FRMPD4: variants seen among roughly 807,000 people sequenced by gnomAD.
FRMPD4 encodes FERM and PDZ domain-containing protein 4.
A neutral mutation model predicts 94.1 loss-of-function variants in FRMPD4; 22 were observed. That is an observed-to-expected ratio of 0.23 (90% confidence interval 0.17 to 0.33). FRMPD4 has a LOEUF of 0.33. FRMPD4 is among the 10% of genes least tolerant of loss of function. The pLI, the probability that FRMPD4 is intolerant of heterozygous loss-of-function variation, is 1.00. For synonymous variants in FRMPD4, 631 were observed against 548.6 expected (o/e 1.15, Z -2.10); for missense variants, 1,111 against 1,339.9 (o/e 0.83, Z 2.67).
intron 1 of FRMPD4, among the ~76,000 whole-genome samples, chrX:12,284,807 G>T (rs1054660422): frequency 8.9e-6 from 1 of 111,946 alleles, no homozygotes; most frequent in African/African-American, 3.3e-5. Flanking sequence ...ACTCAGGGAA[G>T]GACCTCACTA....
At chrX:12,508,290 T>G (rs967689855) in intron 2 of FRMPD4, among the ~76,000 whole-genome samples, 2 of 110,065 alleles carry the variant, frequency 1.8e-5, no homozygotes, top group Non-Finnish European at 3.8e-5. Context: ...TTTTTTTTTT[T>G]TAAGCTCAAC....
At chrX:12,181,756 C>A (rs1446471265) in intron 1 of FRMPD4, among the ~76,000 whole-genome samples, 1 of 111,356 alleles carries the variant, frequency 9.0e-6, no homozygotes, top group African/African-American at 3.3e-5. Context: ...AGTGTGGGTC[C>A]TTCCAAGTGC....
intron 1 of FRMPD4, among the ~76,000 whole-genome samples, chrX:11,859,113 A>G (rs1207707728): frequency 1.8e-5 from 2 of 112,156 alleles, no homozygotes. Flanking sequence ...CGTACATAAT[A>G]TAGGCTTATT....
At chrX:12,717,377 A>C in intron 15 of FRMPD4, 124 bp from the exon 16 acceptor site, 1 of 527,830 alleles carries the variant, frequency 1.9e-6, no homozygotes, top group Non-Finnish European at 3.1e-6. Context: ...ATAAACTCAG[A>C]GTCCTTACTG....
Position 12,383,674 on chromosome X carries a change from GATGA to G in FRMPD4, c.42-114997_42-114994del, listed in dbSNP as rs1336436919. Among the ~76,000 whole-genome samples the G allele has an allele frequency of 1.4e-3, 155 of 111,648 alleles. 3 individuals are homozygous for G. The highest frequency in any genetic ancestry group is 2.5e-3 in the Admixed American group (26 of 10,509). On this transcript the variant is annotated intron_variant, in intron 1 of 16. Transcript: ENST00000675598. ...GGTTTTTAATAAATGAGGGCAAACT[GATGA>G]ATGAATGAGTGTTAATGATGCCAGT... is the stretch of plus-strand genomic sequence containing the variant.
At chrX:11,915,895 A>G (rs913634765) in intron 3 of FRMPD4, among the ~76,000 whole-genome samples, 2 of 112,156 alleles carry the variant, frequency 1.8e-5, no homozygotes, top group East Asian at 5.6e-4. Flanking sequence ...TGAGGATTCA[A>G]TGAATTTATT....
At chrX:11,829,265 G>A (rs1169076512) in intron 1 of FRMPD4, among the ~76,000 whole-genome samples, 1 of 112,056 alleles carries the variant, frequency 8.9e-6, no homozygotes, top group Non-Finnish European at 1.9e-5. Context: ...AACCATCACA[G>A]TGGGCTTTCA....
chrX:12,535,408 C>A (rs1375559709), intron 2 of FRMPD4, among the ~76,000 whole-genome samples: 1 of 111,859 alleles, frequency 8.9e-6, no homozygotes, highest in Non-Finnish European at 1.9e-5. Context: ...TAAAGGCCAT[C>A]CAGATTTGAA....
At chrX:11,975,733 C>G (rs1223894426) in intron 3 of FRMPD4, among the ~76,000 whole-genome samples, 1 of 111,476 alleles carries the variant, frequency 9.0e-6, no homozygotes, top group Non-Finnish European at 1.9e-5. Flanking sequence ...AGACTGCACA[C>G]AGCACAGCCC....
chrX:12,026,684 G>A (rs2054663161), intron 3 of FRMPD4, among the ~76,000 whole-genome samples: 1 of 112,288 alleles, frequency 8.9e-6, no homozygotes, highest in Non-Finnish European at 1.9e-5. Flanking sequence ...TGAATCACTA[G>A]GAGTGAAGTC....
chrX:12,665,600 C>G (rs966196838), intron 4 of FRMPD4, among the ~76,000 whole-genome samples: 3 of 112,063 alleles, frequency 2.7e-5, no homozygotes. Flanking sequence ...ACCCTACAAG[C>G]CAGAAAAGAG....
At chrX:11,838,550 G>T (rs1200594588) in intron 1 of FRMPD4, among the ~76,000 whole-genome samples, 1 of 111,196 alleles carries the variant, frequency 9.0e-6, no homozygotes, top group Non-Finnish European at 1.9e-5. Context: ...ATAGAGTTGT[G>T]TAACTATCAT....
At chrX:12,214,883 T>G (rs772209753) in intron 1 of FRMPD4, among the ~76,000 whole-genome samples, 1 of 107,773 alleles carries the variant, frequency 9.3e-6, no homozygotes, top group Non-Finnish European at 1.9e-5. Context: ...CATTTTACAT[T>G]TTCAGCCTTC....
Position 12,413,678 on chromosome X carries a change from T to C in FRMPD4, c.42-85002T>C, listed in dbSNP as rs776442316. Among the ~76,000 whole-genome samples, 3 of 111,748 alleles carry C rather than the reference T, an allele frequency of 2.7e-5. No homozygotes were observed. In the South Asian group the frequency reaches 1.1e-3, roughly 42 times the overall value. ...CAGTTACTTTTCTAAAACAAGAATG[T>C]CAGGTCCAATGTACAAAGAGAACGT... On this transcript the variant is annotated intron_variant, in intron 1 of 16. Transcript: ENST00000675598.
intron 1 of FRMPD4, among the ~76,000 whole-genome samples, chrX:11,857,312 A>G (rs2053659104): frequency 8.9e-6 from 1 of 111,827 alleles, no homozygotes; most frequent in African/African-American, 3.2e-5. Flanking sequence ...AAACTGTACT[A>G]CAGAGCTACA....
chrX:12,353,567 G>A (rs1307608362), intron 1 of FRMPD4, among the ~76,000 whole-genome samples: 5 of 111,760 alleles, frequency 4.5e-5, no homozygotes, highest in African/African-American at 1.6e-4. Flanking sequence ...CTTTTCACTT[G>A]CAAAGACCTT....
chrX:12,499,881 A>G (rs1016008265), intron 2 of FRMPD4, among the ~76,000 whole-genome samples: 7 of 111,831 alleles, frequency 6.3e-5, no homozygotes, highest in Admixed American at 5.7e-4. Flanking sequence ...CATCTTCTAG[A>G]CACATACCTA....
chrX:12,010,051 G>A (rs1364519584), intron 3 of FRMPD4, among the ~76,000 whole-genome samples: 1 of 111,486 alleles, frequency 9.0e-6, no homozygotes, highest in Non-Finnish European at 1.9e-5. Flanking sequence ...TGGCATCTTA[G>A]TTCAACTTAA....
intron 1 of FRMPD4, among the ~76,000 whole-genome samples, chrX:12,336,781 C>T (rs1460213705): frequency 1.8e-5 from 2 of 111,970 alleles, no homozygotes; most frequent in Non-Finnish European, 3.8e-5. Flanking sequence ...TCAGGAAAAA[C>T]GTCCAACTTC....
Sources: gnomAD v4.1 joint callset for allele counts (sites outside exome capture counted in the v4.1 genomes callset) on GRCh38, gnomAD v4.1.1 for gene constraint, MANE v1.5 for transcripts, NCBI Gene and HGNC (gene_info 2026-07-23, HGNC 2026-07-21) for gene names.